NAALADL2: variants seen among roughly 807,000 people sequenced by gnomAD.
NAALADL2 encodes the protein inactive N-acetylated-alpha-linked acidic dipeptidase-like protein 2.
Under a neutral mutation model 87.2 loss-of-function variants are expected in NAALADL2, and 76 were observed. The observed-to-expected ratio is 0.87, with a 90% CI of 0.72 to 1.05. The LOEUF is 1.05. NAALADL2 is among the 50% of genes least tolerant of loss of function. The pLI is 0.00. For missense variants in NAALADL2, 1,089 were observed against 945.8 expected (o/e 1.15, Z -1.99); for synonymous variants, 354 against 331.0 (o/e 1.07, Z -0.75).
chr3:174,460,515 A>C (rs1435070804), intron 1 of NAALADL2, among the ~76,000 whole-genome samples: 1 of 152,076 alleles, frequency 6.6e-6, no homozygotes, highest in Non-Finnish European at 1.5e-5. Flanking sequence ...CATATAAAGA[A>C]ATAGAAAAAC....
intron 1 of NAALADL2, among the ~76,000 whole-genome samples, chr3:174,983,168 A>G (rs112164794): frequency 6.6e-6 from 1 of 152,198 alleles, no homozygotes; most frequent in African/African-American, 2.4e-5. Flanking sequence ...ATATGAAATT[A>G]CAAAGTTTGG....
intron 5 of NAALADL2, among the ~76,000 whole-genome samples, chr3:175,440,523 A>G (rs1444739692): frequency 2.6e-5 from 4 of 152,072 alleles, no homozygotes; most frequent in Non-Finnish European, 4.4e-5. Flanking sequence ...TGATCATAGG[A>G]TGTGTTTCCA....
chr3:174,765,643 TATTTATTTTTTGAATACAGG>T (rs1170972644), intron 3 of NAALADL2, among the ~76,000 whole-genome samples: 60 of 152,356 alleles, frequency 3.9e-4, no homozygotes, highest in Middle Eastern at 3.4e-3. Context: ...GAATCCTTGT[TATTTATTTTTTGAATACAGG>T]ATTTATTTTT....
At chr3:174,948,457 G>C (rs763830962) in intron 1 of NAALADL2, among the ~76,000 whole-genome samples, 1 of 152,186 alleles carries the variant, frequency 6.6e-6, no homozygotes, top group Admixed American at 6.5e-5. Context: ...GATTACAGGC[G>C]TGAGCCACCA....
At chr3:175,326,238 A>G (rs1371613706) in intron 5 of NAALADL2, among the ~76,000 whole-genome samples, 1 of 152,186 alleles carries the variant, frequency 6.6e-6, no homozygotes, top group East Asian at 1.9e-4. Context: ...TTCAGTTTTC[A>G]GTACATTGTT....
chr3:174,929,748 C>CTT (rs1736603789), intron 1 of NAALADL2, among the ~76,000 whole-genome samples: 1 of 152,064 alleles, frequency 6.6e-6, no homozygotes, highest in Non-Finnish European at 1.5e-5. Context: ...TTACAAAATA[C>CTT]TTTTATACAT....
intron 1 of NAALADL2, among the ~76,000 whole-genome samples, chr3:174,992,378 GT>G (rs1746861100): frequency 6.6e-6 from 1 of 152,118 alleles, no homozygotes; most frequent in East Asian, 1.9e-4. Context: ...TCTCAGGAAC[GT>G]TTTCTTGTCT....
chr3:175,567,262 C>G, intron 9 of NAALADL2, among the ~76,000 whole-genome samples: 1 of 152,052 alleles, frequency 6.6e-6, no homozygotes, highest in South Asian at 2.1e-4. Context: ...GGTGAGGGAT[C>G]TTGAACTGGT....
intron 11 of NAALADL2, among the ~76,000 whole-genome samples, chr3:175,688,962 G>C (rs1257345531): frequency 6.6e-6 from 1 of 152,144 alleles, no homozygotes; most frequent in Non-Finnish European, 1.5e-5. Flanking sequence ...TGCAAGGTGT[G>C]CAGTTTTCTC....
In NAALADL2 at chr3:174,615,500, A is replaced by T. The variant is rs993898827; in HGVS notation, c.-115+64863A>T. Among the ~76,000 whole-genome samples, 7 of 152,308 alleles carry T rather than the reference A, an allele frequency of 4.6e-5. No individual in the cohort carries two copies. The East Asian group carries it at 1.3e-3, about 29-fold the overall frequency. ...AAGCAGTAGCACTATCATTGGGAAGATTTAGAAGCGTATTGCTTGGTGTAT... is the reference window on the plus strand; with the variant it reads ...AAGCAGTAGCACTATCATTGGGAAGTTTTAGAAGCGTATTGCTTGGTGTAT... On this transcript the variant is annotated intron_variant, in intron 2 of 3. Coordinates refer to the NAALADL2 transcript ENST00000434257.
At chr3:175,383,576 A>G (rs1432668880) in intron 5 of NAALADL2, among the ~76,000 whole-genome samples, 1 of 151,896 alleles carries the variant, frequency 6.6e-6, no homozygotes, top group Admixed American at 6.6e-5. Context: ...CATATCCCCT[A>G]GAGATATATA....
chr3:175,433,333 G>C (rs572027841), intron 5 of NAALADL2, among the ~76,000 whole-genome samples: 1 of 152,178 alleles, frequency 6.6e-6, no homozygotes, highest in Admixed American at 6.6e-5. Context: ...ATTGGGTTGT[G>C]AAGAAGATTA....
chr3:174,976,775 G>A (rs768085236), intron 1 of NAALADL2, among the ~76,000 whole-genome samples: 6 of 152,176 alleles, frequency 3.9e-5, no homozygotes, highest in African/African-American at 4.8e-5. Context: ...TTCATTATGT[G>A]ATACTGAAAC....
intron 1 of NAALADL2, among the ~76,000 whole-genome samples, chr3:175,004,046 A>G (rs1748651032): frequency 6.6e-6 from 1 of 152,156 alleles, no homozygotes; most frequent in Non-Finnish European, 1.5e-5. Flanking sequence ...CTTCTCACCT[A>G]AGAAACACAC....
At chr3:175,193,762 T>G (rs1738560579) in intron 2 of NAALADL2, among the ~76,000 whole-genome samples, 1 of 152,010 alleles carries the variant, frequency 6.6e-6, no homozygotes, top group East Asian at 1.9e-4. Flanking sequence ...TATGCTACTT[T>G]GAATTTCAAA....
chr3:175,045,573 G>A (rs915020157), intron 1 of NAALADL2, among the ~76,000 whole-genome samples: 1 of 152,078 alleles, frequency 6.6e-6, no homozygotes, highest in African/African-American at 2.4e-5. Flanking sequence ...CATGAATACT[G>A]GAAGAAGACA....
At chr3:174,927,274 C>T (rs1296896174) in intron 1 of NAALADL2, among the ~76,000 whole-genome samples, 2 of 152,108 alleles carry the variant, frequency 1.3e-5, no homozygotes, top group African/African-American at 4.8e-5. Context: ...ATTTAACACC[C>T]CACTGTCAAC....
At chr3:174,617,511 T>G (rs1294922476) in intron 2 of NAALADL2, among the ~76,000 whole-genome samples, 1 of 151,680 alleles carries the variant, frequency 6.6e-6, no homozygotes, top group Non-Finnish European at 1.5e-5. Flanking sequence ...ATTTTTATAT[T>G]GCATGGGATT....
chr3:175,394,784 T>C (rs1234823690), intron 5 of NAALADL2, among the ~76,000 whole-genome samples: 2 of 152,208 alleles, frequency 1.3e-5, no homozygotes, highest in Non-Finnish European at 2.9e-5. Flanking sequence ...TAATGCCTTT[T>C]CCATATTTAC....
Sources: allele counts gnomAD v4.1 joint callset (sites outside exome capture counted in the v4.1 genomes callset), GRCh38; gene constraint gnomAD v4.1.1; transcripts MANE v1.5; gene names NCBI Gene and HGNC (gene_info 2026-07-23, HGNC 2026-07-21).